The following SLCO1A2 variants were observed in gnomAD, a reference collection of about 807,000 sequenced individuals.
SLCO1A2 encodes solute carrier organic anion transporter family member 1A2.
SLCO1A2 carries 67 observed loss-of-function variants against 69.0 expected under a neutral mutation model. The observed-to-expected ratio is 0.97, with a 90% confidence interval of 0.80 to 1.19. The LOEUF (loss-of-function observed/expected upper bound fraction) is 1.19, where lower values mean the gene tolerates loss of function less well. SLCO1A2 is among the 50% of genes most tolerant of loss of function. The pLI, the probability that SLCO1A2 is intolerant of heterozygous loss-of-function variation, is 0.00. For synonymous variants in SLCO1A2, 260 were observed against 265.9 expected, an observed-to-expected ratio of 0.98 and a Z score of 0.22; for missense variants, 787 against 793.7, an observed-to-expected ratio of 0.99 and a Z score of 0.10.
chr12:21,305,896 T>A lies in SLCO1A2; in HGVS notation c.442+986A>T, dbSNP rs59194406. On this transcript the variant is annotated intron_variant, in intron 5 of 14. Coordinates refer to ENST00000683939, the MANE Select transcript of SLCO1A2 (RefSeq NM_001386879.1). The stretch of plus-strand genomic sequence containing the variant: ...TGAATCCAGAATAAAAATGTCCCCA[T>A]AAAAATGTTGAGTCATCAGAGTCAT... Among the ~76,000 whole-genome samples, 201 of 152,256 alleles carry A rather than the reference T, an allele frequency of 1.3e-3. 1 individual carries two copies. The highest frequency in any genetic ancestry group is 4.6e-3 in the African/African-American group (190 of 41,558).
chr12:21,356,952 T>C (rs1389806880), intron 2 of SLCO1A2, among the ~76,000 whole-genome samples: 3 of 151,974 alleles, frequency 2.0e-5, no homozygotes, highest in Non-Finnish European at 1.5e-5. Flanking sequence ...ATTACAAATA[T>C]AAATATAATA....
intron 2 of SLCO1A2, among the ~76,000 whole-genome samples, chr12:21,322,504 A>T (rs1951756361): frequency 6.6e-6 from 1 of 152,218 alleles, no homozygotes; most frequent in Non-Finnish European, 1.5e-5. Context: ...AGGTAGTTTT[A>T]AAGTTTTAAA....
intron 2 of SLCO1A2, among the ~76,000 whole-genome samples, chr12:21,330,824 A>G (rs1285979498): frequency 1.3e-5 from 2 of 152,132 alleles, no homozygotes; most frequent in Non-Finnish European, 2.9e-5. Flanking sequence ...AGCCAACTGA[A>G]TCACATAACA....
chr12:21,277,050 A>T (rs1313012727), intron 12 of SLCO1A2, among the ~76,000 whole-genome samples: 1 of 152,220 alleles, frequency 6.6e-6, no homozygotes, highest in East Asian at 1.9e-4. Context: ...CCCTACTGAG[A>T]CACCAGCCAG....
intron 1 of SLCO1A2, chr12:21,378,218 A>G (rs970215144): frequency 3.1e-6 from 5 of 1,612,726 alleles, no homozygotes; most frequent in Non-Finnish European, 4.2e-6. Context: ...AACTTTTCAC[A>G]TTTGTTCCAT....
chr12:21,276,360 T>C (rs548924120), intron 12 of SLCO1A2, among the ~76,000 whole-genome samples: 11 of 151,074 alleles, frequency 7.3e-5, no homozygotes, highest in Admixed American at 4.0e-4. Context: ...TCTCTACTTA[T>C]GCGTAGAGAT....
At chr12:21,406,123 TC>T (rs1168513872) in intron 1 of SLCO1A2, among the ~76,000 whole-genome samples, 1 of 152,226 alleles carries the variant, frequency 6.6e-6, no homozygotes, top group East Asian at 1.9e-4. Flanking sequence ...GGAATCCTTT[TC>T]TTTTGCTAGG....
chr12:21,287,909 C>A, intron 12 of SLCO1A2, among the ~76,000 whole-genome samples: 1 of 123,288 alleles, frequency 8.1e-6, no homozygotes, highest in African/African-American at 3.3e-5. Context: ...ATACCTAATG[C>A]TAGATGACGA....
intron 1 of SLCO1A2, among the ~76,000 whole-genome samples, chr12:21,404,335 G>A (rs905393489): frequency 3.3e-5 from 5 of 152,010 alleles, no homozygotes; most frequent in Admixed American, 1.3e-4. Flanking sequence ...CTATCAACCC[G>A]TCACCTAGGT....
upstream of SLCO1A2, among the ~76,000 whole-genome samples, chr12:21,335,316 G>A (rs542794125): frequency 8.6e-5 from 13 of 151,894 alleles, no homozygotes; most frequent in Non-Finnish European, 1.3e-4. Flanking sequence ...ATAATCCCAC[G>A]ATTGCAAACT....
At chr12:21,270,741 T>A (rs1427613608) in intron 14 of SLCO1A2, among the ~76,000 whole-genome samples, 1 of 151,570 alleles carries the variant, frequency 6.6e-6, no homozygotes, top group Non-Finnish European at 1.5e-5. Flanking sequence ...TAGAAAAATA[T>A]CTATTTAATA....
At chr12:21,281,406 C>T (rs191880745) in intron 12 of SLCO1A2, among the ~76,000 whole-genome samples, 110 of 151,548 alleles carry the variant, frequency 7.3e-4, no homozygotes, top group South Asian at 4.2e-4. Context: ...GCCAAGATCG[C>T]GCCACTGCAC....
intron 12 of SLCO1A2, among the ~76,000 whole-genome samples, chr12:21,278,101 C>CT (rs1418298607): frequency 4.6e-5 from 7 of 152,120 alleles, no homozygotes; most frequent in African/African-American, 1.7e-4. Flanking sequence ...CAGTGGTGGC[C>CT]TGGCAGTATT....
intron 14 of SLCO1A2, among the ~76,000 whole-genome samples, chr12:21,271,804 T>G (rs1942911258): frequency 6.7e-6 from 1 of 148,240 alleles, no homozygotes; most frequent in East Asian, 2.0e-4. Context: ...TAAATAAATA[T>G]GTATATATGT....
chr12:21,347,663 A>AG (rs1355221446), intron 2 of SLCO1A2, among the ~76,000 whole-genome samples: 28 of 135,004 alleles, frequency 2.1e-4, no homozygotes, highest in South Asian at 5.0e-4. Context: ...GAAAGAAGAA[A>AG]GAAAGAAAGG....
intron 2 of SLCO1A2, among the ~76,000 whole-genome samples, chr12:21,362,845 C>CCTAAATA (rs1357336495): frequency 6.6e-6 from 1 of 152,178 alleles, no homozygotes; most frequent in Admixed American, 6.5e-5. Context: ...GAAGAGCTAA[C>CCTAAATA]TATCCTAAAT....
intron 12 of SLCO1A2, among the ~76,000 whole-genome samples, chr12:21,288,213 A>T (rs1946268678): frequency 6.6e-6 from 1 of 152,094 alleles, no homozygotes. Context: ...AGGCCAAAGC[A>T]GATGGATCAT....
chr12:21,336,968 G>A (rs1483603806), upstream of SLCO1A2, among the ~76,000 whole-genome samples: 2 of 152,000 alleles, frequency 1.3e-5, no homozygotes, highest in Non-Finnish European at 2.9e-5. Flanking sequence ...ATTCAAATGG[G>A]AACAGGTAAT....
At chr12:21,287,667 A>C (rs1212231068) in intron 12 of SLCO1A2, among the ~76,000 whole-genome samples, 1 of 126,166 alleles carries the variant, frequency 7.9e-6, no homozygotes, top group African/African-American at 3.2e-5. Context: ...TACACCATGG[A>C]ATACTATGCA....
Sources: gnomAD v4.1 joint callset for allele counts (sites outside exome capture counted in the v4.1 genomes callset) on GRCh38, gnomAD v4.1.1 for gene constraint, MANE v1.5 for transcripts, NCBI Gene and HGNC (gene_info 2026-07-23, HGNC 2026-07-21) for gene names.